The following FGF12 variants were observed in gnomAD, a reference collection of about 807,000 sequenced individuals.
FGF12 encodes the protein fibroblast growth factor 12B.
Under a neutral mutation model 23.6 loss-of-function variants are expected in FGF12, and 14 were observed. That is an observed-to-expected ratio of 0.59 (90% CI 0.39 to 0.93). The LOEUF is 0.93. Ranked by LOEUF, FGF12 falls within the 40% of genes least tolerant of loss-of-function variation. FGF12 has a pLI of 0.00. For missense variants in FGF12, 175 were observed against 217.8 expected, an observed-to-expected ratio of 0.80 and a Z score of 1.24; for synonymous variants, 62 against 77.3, an observed-to-expected ratio of 0.80 and a Z score of 1.04.
At chr3:192,196,553 C>CA (rs75176785) in intron 4 of FGF12, among the ~76,000 whole-genome samples, 15,430 of 146,268 alleles carry the variant, frequency 0.11, 875 homozygotes, top group African/African-American at 0.16. Context: ...GCCTGGGAGA[C>CA]AAAAAAAAAA....
chr3:192,476,545 C>T (rs934350618), intron 2 of FGF12, among the ~76,000 whole-genome samples: 1 of 152,120 alleles, frequency 6.6e-6, no homozygotes, highest in African/African-American at 2.4e-5. Flanking sequence ...GTAATATGCC[C>T]CCTGTTTATT....
chr3:192,510,901 T>C (rs1316427841), intron 2 of FGF12, among the ~76,000 whole-genome samples: 2 of 152,180 alleles, frequency 1.3e-5, no homozygotes, highest in African/African-American at 4.8e-5. Context: ...ATTCCAACCA[T>C]ATGGCATTCT....
At chr3:192,340,737 T>A (rs1717651896) in intron 3 of FGF12, among the ~76,000 whole-genome samples, 1 of 152,070 alleles carries the variant, frequency 6.6e-6, no homozygotes, top group Non-Finnish European at 1.5e-5. Context: ...CAAATGATGC[T>A]GAAAAAACTG....
chr3:192,345,889 C>T (rs2108715303), intron 3 of FGF12, among the ~76,000 whole-genome samples: 1 of 152,244 alleles, frequency 6.6e-6, no homozygotes, highest in East Asian at 1.9e-4. Context: ...AACACAAGCA[C>T]ACTTATTTGA....
intron 2 of FGF12, among the ~76,000 whole-genome samples, chr3:192,648,857 G>C (rs933380069): frequency 3.9e-5 from 6 of 152,140 alleles, no homozygotes; most frequent in Non-Finnish European, 7.4e-5. Context: ...TTGAAGTATG[G>C]GGCCAGAAGC....
chr3:192,393,925 C>T (rs1460340113), intron 2 of FGF12, among the ~76,000 whole-genome samples: 1 of 152,060 alleles, frequency 6.6e-6, no homozygotes, highest in Admixed American at 6.5e-5. Flanking sequence ...AAAGGTATAT[C>T]CCAAGTCTGG....
At chr3:192,381,512 A>G (rs1037373215) in intron 2 of FGF12, among the ~76,000 whole-genome samples, 1 of 152,190 alleles carries the variant, frequency 6.6e-6, no homozygotes, top group African/African-American at 2.4e-5. Flanking sequence ...AAGAAACTAA[A>G]TAAATAATGC....
chr3:192,463,680 C>T (rs560047330), intron 2 of FGF12, among the ~76,000 whole-genome samples: 93 of 152,142 alleles, frequency 6.1e-4, no homozygotes, highest in African/African-American at 1.8e-3. Context: ...TGGGTGCTTT[C>T]GGAACTCTGC....
Position 192,714,513 on chromosome 3 carries a change from ATT to A in FGF12, c.13+12666_13+12667del, listed in dbSNP as rs770781442. Among the ~76,000 whole-genome samples the A allele has an allele frequency of 4.5e-3, 448 of 99,712 alleles. 1 individual carries two copies. The highest frequency in any genetic ancestry group is 0.017 in the African/African-American group (393 of 23,648). The allele number at this position is 99,712 out of a possible 152,430, so 65.4% of individuals were successfully genotyped here. Reference sequence around the variant, plus strand: ...CTTATTTATAGATCTTAAGGAAATAATTTTTTTTTTTTTTTTTTTTTTTGAGA... The same window carrying A: ...CTTATTTATAGATCTTAAGGAAATAATTTTTTTTTTTTTTTTTTTTTGAGA... On this transcript the variant is annotated intron_variant, in intron 2 of 5. Transcript: ENST00000445105.
chr3:192,333,102 C>T (rs949079485), intron 4 of FGF12, among the ~76,000 whole-genome samples: 2 of 152,016 alleles, frequency 1.3e-5, no homozygotes, highest in Non-Finnish European at 2.9e-5. Context: ...GCAAGAAGGA[C>T]AGAAGGAATG....
intron 2 of FGF12, among the ~76,000 whole-genome samples, chr3:192,522,160 T>C (rs894391954): frequency 6.8e-6 from 1 of 146,956 alleles, no homozygotes; most frequent in Non-Finnish European, 1.5e-5. Flanking sequence ...ATCGCGCCAC[T>C]GCACTCCAGC....
chr3:192,369,550 A>G (rs932166644), intron 2 of FGF12, among the ~76,000 whole-genome samples: 1 of 152,236 alleles, frequency 6.6e-6, no homozygotes, highest in Non-Finnish European at 1.5e-5. Flanking sequence ...TGTAGAAGAC[A>G]TGAGACGGAG....
chr3:192,190,224 A>G (rs926339963), intron 4 of FGF12, among the ~76,000 whole-genome samples: 3 of 152,186 alleles, frequency 2.0e-5, no homozygotes, highest in African/African-American at 2.4e-5. Context: ...ATCTTCCCAT[A>G]ACAAGCATAC....
At chr3:192,259,028 A>G (rs1008133316) in intron 4 of FGF12, among the ~76,000 whole-genome samples, 6 of 152,202 alleles carry the variant, frequency 3.9e-5, no homozygotes, top group African/African-American at 1.4e-4. Flanking sequence ...AATAGAGAAT[A>G]TAAAATCATT....
chr3:192,322,523 C>A (rs1716603927), intron 4 of FGF12, among the ~76,000 whole-genome samples: 1 of 151,264 alleles, frequency 6.6e-6, no homozygotes, highest in Admixed American at 6.6e-5. Context: ...CACACACACA[C>A]CCCAGAATGG....
chr3:192,632,164 A>G (rs1275791138), intron 2 of FGF12, among the ~76,000 whole-genome samples: 1 of 152,150 alleles, frequency 6.6e-6, no homozygotes, highest in Non-Finnish European at 1.5e-5. Flanking sequence ...CCTTCCCCCC[A>G]TCTAATCCAA....
intron 2 of FGF12, among the ~76,000 whole-genome samples, chr3:192,570,403 AAT>A (rs1255346666): frequency 2.9e-4 from 43 of 149,888 alleles, no homozygotes; most frequent in African/African-American, 1.0e-3. Context: ...TGGTAGTCCA[AAT>A]ATGTGATTAA....
At position 192,460,039 on chromosome 3, in the gene FGF12, A is replaced by G. The variant is rs373212892; in HGVS notation, c.14-99501T>C. 6.6e-5 allele frequency among the ~76,000 whole-genome samples: 10 copies of G among 152,318 alleles called. No homozygotes were observed. In the East Asian group the frequency reaches 1.9e-3, roughly 29 times the overall value. On this transcript the variant is annotated intron_variant, in intron 2 of 5. Transcript: ENST00000445105. Reference sequence around the variant, plus strand: ...ATGCAGGATGAACAGACATAAGTACATTTACGATATGGGGATAATGCAAAT... The same window carrying G: ...ATGCAGGATGAACAGACATAAGTACGTTTACGATATGGGGATAATGCAAAT...
At chr3:192,525,459 A>T (rs1178686510) in intron 2 of FGF12, among the ~76,000 whole-genome samples, 2 of 152,186 alleles carry the variant, frequency 1.3e-5, no homozygotes, top group Admixed American at 6.5e-5. Flanking sequence ...AGTATTACAG[A>T]TACTATTTGT....
Sources: allele counts gnomAD v4.1 joint callset (sites outside exome capture counted in the v4.1 genomes callset), GRCh38; gene constraint gnomAD v4.1.1; transcripts MANE v1.5; gene names NCBI Gene and HGNC (gene_info 2026-07-23, HGNC 2026-07-21).